Variants in METTL15 observed in about 807,000 individuals in gnomAD.
The protein encoded by METTL15 is methyltransferase 15, mitochondrial 12S rRNA N4-cytidine, also known as 12S rRNA N(4)-cytidine methyltransferase METTL15.
A neutral mutation model predicts 38.3 loss-of-function variants in METTL15; 34 were observed. The ratio of observed to expected loss-of-function variants is 0.89; its 90% CI spans 0.68 to 1.18. METTL15 has a LOEUF of 1.18. Ranked by LOEUF, METTL15 falls within the 50% of genes most tolerant of loss-of-function variation. METTL15 has a pLI of 0.00. For synonymous variants in METTL15, 162 were observed against 170.9 expected (o/e 0.95, Z 0.41); for missense variants, 438 against 498.4 (o/e 0.88, Z 1.15).
intron 6 of METTL15, among the ~76,000 whole-genome samples, chr11:28,450,148 C>G (rs1398297400): frequency 3.3e-5 from 5 of 152,328 alleles, no homozygotes; most frequent in African/African-American, 1.2e-4. Flanking sequence ...ATCCACCAAA[C>G]AACTTACCAA....
chr11:28,496,493 T>C (rs182026156), intron 6 of METTL15, among the ~76,000 whole-genome samples: 229 of 152,338 alleles, frequency 1.5e-3, no homozygotes, highest in African/African-American at 5.4e-3. Context: ...TCTTAAAAGC[T>C]ATTTGAACCA....
At chr11:28,456,687 G>A (rs982761599) in intron 6 of METTL15, among the ~76,000 whole-genome samples, 1 of 152,000 alleles carries the variant, frequency 6.6e-6, no homozygotes, top group African/African-American at 2.4e-5. Context: ...TGATCCACCT[G>A]CCTTGGCTTC....
rs560012141 is a variant in METTL15 at position 28,198,507 on chromosome 11, A to G, written c.271-12555A>G. ...GCAGAATTAGGCAGAATGAGTCATC[A>G]TAGTAACACCAATACTTCTGATAAA... On this transcript the variant is annotated intron_variant, in intron 3 of 6. Transcript: ENST00000407364. 3.9e-5 allele frequency among the ~76,000 whole-genome samples: 6 copies of G among 152,288 alleles called. No homozygotes were observed. In the East Asian group the frequency reaches 9.6e-4, roughly 24 times the overall value.
At chr11:28,202,443 G>C (rs1221146417) in intron 3 of METTL15, among the ~76,000 whole-genome samples, 1 of 151,774 alleles carries the variant, frequency 6.6e-6, no homozygotes, top group Non-Finnish European at 1.5e-5. Flanking sequence ...TTACATTGCT[G>C]ATTTTTTTTT....
At chr11:28,250,184 T>C (rs963429392) in intron 4 of METTL15, among the ~76,000 whole-genome samples, 1 of 152,078 alleles carries the variant, frequency 6.6e-6, no homozygotes, top group African/African-American at 2.4e-5. Context: ...GTGATGAACA[T>C]AGTGTACATG....
At chr11:28,223,511 G>T (rs905941202) in intron 4 of METTL15, among the ~76,000 whole-genome samples, 1 of 152,030 alleles carries the variant, frequency 6.6e-6, no homozygotes, top group South Asian at 2.1e-4. Context: ...CTGTAGTAGG[G>T]CACAGAATGA....
At chr11:28,373,966 A>G (rs1850275621) in intron 5 of METTL15, among the ~76,000 whole-genome samples, 1 of 152,098 alleles carries the variant, frequency 6.6e-6, no homozygotes, top group Non-Finnish European at 1.5e-5. Flanking sequence ...GTCAAAGATC[A>G]GATAGTTGTA....
chr11:28,260,082 G>T (rs997691098), intron 4 of METTL15, among the ~76,000 whole-genome samples: 1 of 152,142 alleles, frequency 6.6e-6, no homozygotes, highest in East Asian at 1.9e-4. Context: ...TAATTTTTCT[G>T]TCTGCCTCAG....
At chr11:28,525,171 A>G (rs892728763) in intron 6 of METTL15, among the ~76,000 whole-genome samples, 2 of 152,164 alleles carry the variant, frequency 1.3e-5, no homozygotes, top group Non-Finnish European at 2.9e-5. Context: ...TATTGCAAAG[A>G]GCAAAAGAAC....
At chr11:28,508,567 A>G (rs1851648861) in intron 6 of METTL15, among the ~76,000 whole-genome samples, 1 of 152,198 alleles carries the variant, frequency 6.6e-6, no homozygotes, top group Admixed American at 6.5e-5. Flanking sequence ...ACCACCAAGT[A>G]TCAGGCAGGA....
intron 3 of METTL15, among the ~76,000 whole-genome samples, chr11:28,162,762 G>A (rs1448172897): frequency 6.6e-6 from 1 of 152,034 alleles, no homozygotes; most frequent in African/African-American, 2.4e-5. Flanking sequence ...AAATTATTTT[G>A]TAATAATATA....
At position 28,402,896 on chromosome 11, in the gene METTL15, A is replaced by G. The variant is rs1210990419; in HGVS notation, c.*359-21403A>G. 2.0e-5 allele frequency among the ~76,000 whole-genome samples: 3 copies of G among 151,878 alleles called. No individual in the cohort carries two copies. In the East Asian group the frequency reaches 5.8e-4, roughly 29 times the overall value. ...TTCCACTCTCTATGTCTTTATGTAC[A>G]TATTTTTTAGCTCCCACTTATAAGT... On this transcript the variant is annotated intron_variant and NMD_transcript_variant, in intron 5 of 7. Coordinates refer to the METTL15 transcript ENST00000532947.
At chr11:28,131,549 C>T (rs1402582253) in intron 3 of METTL15, among the ~76,000 whole-genome samples, 1 of 139,272 alleles carries the variant, frequency 7.2e-6, no homozygotes, top group African/African-American at 2.6e-5. Flanking sequence ...ACAAAAGATG[C>T]CTGATATTTC....
intron 6 of METTL15, among the ~76,000 whole-genome samples, chr11:28,313,976 G>T (rs550778677): frequency 3.3e-5 from 5 of 152,186 alleles, no homozygotes; most frequent in Admixed American, 2.6e-4. Flanking sequence ...AGCCTTTACT[G>T]GGCACTATTT....
intron 4 of METTL15, among the ~76,000 whole-genome samples, chr11:28,263,977 C>T (rs1360054545): frequency 6.6e-6 from 1 of 152,050 alleles, no homozygotes; most frequent in East Asian, 1.9e-4. Flanking sequence ...TAGGGCTCAG[C>T]CCAATGCTAC....
intron 3 of METTL15, among the ~76,000 whole-genome samples, chr11:28,121,605 G>A (rs998768123): frequency 6.6e-6 from 1 of 152,004 alleles, no homozygotes; most frequent in African/African-American, 2.4e-5. Context: ...TTTTAGAAGC[G>A]AATTATCTTT....
At chr11:28,526,871 T>A (rs1204181477) in exon 8 of METTL15, 1 of 152,254 alleles carries the variant, frequency 6.6e-6, no homozygotes, top group Non-Finnish European at 1.5e-5. Context: ...TGTAATAAGC[T>A]CTAATTATCA....
At chr11:28,269,845 A>T (rs1240424557) in intron 4 of METTL15, among the ~76,000 whole-genome samples, 1 of 152,224 alleles carries the variant, frequency 6.6e-6, no homozygotes, top group East Asian at 1.9e-4. Context: ...GTGCCAGCTT[A>T]CATGCTGATC....
chr11:28,509,934 T>G (rs1851661056), intron 6 of METTL15, among the ~76,000 whole-genome samples: 1 of 152,182 alleles, frequency 6.6e-6, no homozygotes, highest in South Asian at 2.1e-4. Flanking sequence ...TTTTCTATTC[T>G]TCTTGAACTA....
Sources: gnomAD v4.1 joint callset for allele counts (sites outside exome capture counted in the v4.1 genomes callset) on GRCh38, gnomAD v4.1.1 for gene constraint, MANE v1.5 for transcripts, NCBI Gene and HGNC (gene_info 2026-07-23, HGNC 2026-07-21) for gene names.